The following ARL6 variants were observed in gnomAD, a reference collection of about 807,000 sequenced individuals.
The protein encoded by ARL6 is ADP-ribosylation factor-like protein 6.
A neutral mutation model predicts 27.1 loss-of-function variants in ARL6; 18 were observed. The ratio of observed to expected loss-of-function variants is 0.66; its 90% confidence interval spans 0.46 to 0.98. ARL6 has a LOEUF of 0.98. ARL6 is among the 50% of genes least tolerant of loss of function. The probability of loss-of-function intolerance (pLI) is 0.00; values close to 1 mark genes in which losing one functional copy is unlikely to be tolerated. For synonymous variants in ARL6, 65 were observed against 72.3 expected (o/e 0.90, Z 0.51); for missense variants, 187 against 214.9 (o/e 0.87, Z 0.81).
At chr3:97,783,332 A>G (rs2037290871) in intron 4 of ARL6, among the ~76,000 whole-genome samples, 1 of 151,764 alleles carries the variant, frequency 6.6e-6, no homozygotes. Context: ...TGCTTTTTTC[A>G]GTTAACATGT....
rs1373645353 is a variant in ARL6, at chr3:97,785,001, A to G, written c.301A>G (p.Arg101Gly). 6.2e-7 allele frequency: 1 copy of G among 1,613,148 alleles called. No homozygotes were observed. The highest frequency in any genetic ancestry group is 2.2e-5 in the East Asian group (1 of 44,724). ...IFVIDSSDRL[R>G]MVVAKEELDT... ...TGTCATTGATAGTAGTGATAGATTA[A>G]GAATGGTTGTGGCCAAAGAAGAACT... Residue 101 changes from arginine (R) to glycine (G), a missense_variant, in exon 5 of 8, where the codon AGA becomes GGA. Physicochemically the swap from Arg to Gly is moderately radical, Grantham distance 125. Coordinates refer to ENST00000463745, the MANE Select transcript of ARL6 (RefSeq NM_001278293.3).
rs2037546195 is a variant in ARL6, at chr3:97,788,075, G to A, written c.435G>A (p.Gln145=). 6.2e-7 allele frequency: 1 copy of A among 1,613,212 alleles called. No individual in the cohort carries two copies. The highest frequency in any genetic ancestry group is 1.1e-5 in the South Asian group (1 of 91,044). The stretch of plus-strand genomic sequence containing the variant: ...CAGTGACATCTGTAAAAGTGTCTCA[G>A]TTGCTGTGTTTAGAGAACATCAAAG... ...RDAVTSVKVS[Q]LLCLENIKDK... The change falls in exon 6 of 8, where the codon CAG becomes CAA. Residue 145 remains glutamine, a synonymous_variant. Transcript: ENST00000463745.
chr3:97,797,504 C>A (rs1019107099), intron 7 of ARL6, among the ~76,000 whole-genome samples: 1 of 151,984 alleles, frequency 6.6e-6, no homozygotes, highest in Admixed American at 6.6e-5. Context: ...TGCCTAGGAG[C>A]AGCATGGGAG....
chr3:97,774,114 T>C (rs1040598922), intron 2 of ARL6, among the ~76,000 whole-genome samples: 2 of 152,222 alleles, frequency 1.3e-5, no homozygotes, highest in African/African-American at 4.8e-5. Flanking sequence ...ATCTTGATAG[T>C]CCCGGATAGT....
intron 5 of ARL6, among the ~76,000 whole-genome samples, chr3:97,785,268 G>A (rs2037396265): frequency 6.8e-6 from 1 of 146,550 alleles, no homozygotes; most frequent in African/African-American, 2.5e-5. Context: ...TGTTTTTGGG[G>A]TGTCTAACAT....
At chr3:97,788,716 A>G (rs944724653) in intron 6 of ARL6, among the ~76,000 whole-genome samples, 5 of 152,188 alleles carry the variant, frequency 3.3e-5, no homozygotes, top group African/African-American at 4.8e-5. Flanking sequence ...TAGACATCCT[A>G]ATAAGGTTGA....
At chr3:97,793,850 G>A (rs961386989) in intron 7 of ARL6, among the ~76,000 whole-genome samples, 6 of 150,324 alleles carry the variant, frequency 4.0e-5, no homozygotes, top group African/African-American at 1.5e-4. Context: ...AGAAAGCATT[G>A]ACTGATAGTT....
At chr3:97,765,080 A>C (rs2036304197) in intron 1 of ARL6, 103 bp downstream of exon 1, 1 of 152,092 alleles carries the variant, frequency 6.6e-6, no homozygotes. Context: ...CCACGCGTGT[A>C]GTTGTTGCTA....
In ARL6 at chr3:97,792,713, C is replaced by T. The variant is rs144108002; in HGVS notation, c.535+887C>T. 7.2e-5 allele frequency among the ~76,000 whole-genome samples: 11 copies of T among 152,266 alleles called. No individual in the cohort carries two copies. In the East Asian group the frequency reaches 2.1e-3, roughly 29 times the overall value. The stretch of plus-strand genomic sequence containing the variant: ...TATATCATTTACCCTAATGGTCTCT[C>T]AGCCAAAAGAATGGCTTGAAGCACA... On this transcript the variant is annotated intron_variant, in intron 7 of 7. Transcript: ENST00000463745.
At chr3:97,797,567 G>A (rs1300739738) in intron 7 of ARL6, among the ~76,000 whole-genome samples, 2 of 152,060 alleles carry the variant, frequency 1.3e-5, no homozygotes. Context: ...ATTTGAAGAA[G>A]TAACAATAAA....
intron 6 of ARL6, among the ~76,000 whole-genome samples, chr3:97,790,790 G>T (rs2108079895): frequency 6.6e-6 from 1 of 152,004 alleles, no homozygotes; most frequent in South Asian, 2.1e-4. Flanking sequence ...ATTTCTGGGA[G>T]ATAATTTTTA....
chr3:97,784,853 A>T (rs923991838), intron 4 of ARL6, 102 bp from the exon 5 acceptor site: 2 of 766,828 alleles, frequency 2.6e-6, no homozygotes, highest in African/African-American at 3.5e-5. Context: ...TGGACATAGG[A>T]CATAAGGAGA....
In ARL6 at chr3:97,771,103, G is replaced by A. The variant is rs965126695; in HGVS notation, c.123+2873G>A. On this transcript the variant is annotated intron_variant, in intron 2 of 7. Coordinates refer to ENST00000463745, the MANE Select transcript of ARL6 (RefSeq NM_001278293.3). ...TTGCATTGACTCTGTTAATCTCTTC[G>A]GGTGGTATAGATATTTTAACTGTGA... Among the ~76,000 whole-genome samples the A allele has an allele frequency of 5.9e-5, 9 of 151,782 alleles. No homozygotes were observed. In the South Asian group the frequency reaches 6.2e-4, roughly 11 times the overall value.
At chr3:97,793,216 C>T (rs528134728) in intron 7 of ARL6, among the ~76,000 whole-genome samples, 1 of 152,272 alleles carries the variant, frequency 6.6e-6, no homozygotes, top group East Asian at 1.9e-4. Flanking sequence ...CTGCAAGGAA[C>T]ATTCAAGTCA....
intron 2 of ARL6, among the ~76,000 whole-genome samples, chr3:97,774,085 G>T (rs974961418): frequency 2.1e-4 from 32 of 152,176 alleles, no homozygotes; most frequent in Admixed American, 1.7e-3. Context: ...CCTCCGTTGT[G>T]GAGTGATAGT....
chr3:97,783,836 G>A (rs556495143), intron 4 of ARL6, among the ~76,000 whole-genome samples: 1 of 151,722 alleles, frequency 6.6e-6, no homozygotes, highest in South Asian at 2.1e-4. Context: ...GGCAATTAAT[G>A]AACTAGATCA....
In ARL6 at chr3:97,798,596, C is replaced by T. The variant is rs1407044889; in HGVS notation, c.*547C>T. ...GCTCTGTTAGTATGGTATTTCGTGTCATACTGTCAAGCATTTGTAAACCAT... is the reference window on the plus strand; with the variant it reads ...GCTCTGTTAGTATGGTATTTCGTGTTATACTGTCAAGCATTTGTAAACCAT... On this transcript the variant is annotated 3_prime_UTR_variant, in exon 8 of 8. Coordinates refer to ENST00000463745, the MANE Select transcript of ARL6 (RefSeq NM_001278293.3). The T allele has an allele frequency of 1.3e-5, 2 of 152,620 alleles. No individual in the cohort carries two copies. Among genetic ancestry groups the T allele is most frequent in the Non-Finnish European group, 2.9e-5 (2 of 68,454 alleles). The allele number at this position is 152,620 out of a possible 1,614,324, so 9.5% of individuals were successfully genotyped here.
chr3:97,765,359 A>T (rs1251679993), intron 1 of ARL6, among the ~76,000 whole-genome samples: 1 of 152,168 alleles, frequency 6.6e-6, no homozygotes, highest in African/African-American at 2.4e-5. Context: ...TACAGAGTTT[A>T]CTAAGTATCA....
chr3:97,792,114 G>A (rs1439442073), intron 7 of ARL6: 5 of 362,572 alleles, frequency 1.4e-5, no homozygotes, highest in Non-Finnish European at 2.0e-5. Flanking sequence ...GTCAGATCTA[G>A]TAATAGAAGC....
Sources: allele counts gnomAD v4.1 joint callset (sites outside exome capture counted in the v4.1 genomes callset), GRCh38; gene constraint gnomAD v4.1.1; transcripts MANE v1.5; gene names NCBI Gene and HGNC (gene_info 2026-07-23, HGNC 2026-07-21).